Variants in RARB observed in about 807,000 individuals in gnomAD.
RARB encodes retinoic acid receptor beta.
RARB carries 17 observed loss-of-function variants against 51.9 expected under a neutral mutation model. The ratio of observed to expected loss-of-function variants is 0.33; its 90% CI spans 0.22 to 0.49. RARB has a LOEUF of 0.49. RARB is among the 20% of genes least tolerant of loss of function. The pLI, the probability that RARB is intolerant of heterozygous loss-of-function variation, is 0.99. For synonymous variants in RARB, 215 were observed against 195.4 expected (o/e 1.10, Z -0.84); for missense variants, 369 against 550.8 (o/e 0.67, Z 3.30).
exon 5 of RARB, chr3:25,174,466 A>T (rs776764255): frequency 5.2e-6 from 7 of 1,351,692 alleles, no homozygotes; most frequent in Non-Finnish European, 6.9e-6. Flanking sequence ...ATCCAGCCAC[A>T]CCCTACCCGT....
rs146794579 is a variant in RARB, at chr3:25,185,748, A to G, written c.178+11173A>G. ...ATTGACTTCTGTCCTGACTTTGTGT[A>G]GGCAATTTTAGAATTTGTCTTTCAT... On this transcript the variant is annotated intron_variant, in intron 5 of 11. Coordinates refer to the RARB transcript ENST00000383772. Among the ~76,000 whole-genome samples, 575 of 152,266 alleles carry G rather than the reference A, an allele frequency of 3.8e-3. 3 individuals carry two copies. The highest frequency in any genetic ancestry group is 0.013 in the African/African-American group (559 of 41,586).
At chr3:25,569,737 T>A (rs1700635349) in intron 3 of RARB, 21 bp from the exon 4 acceptor site, 1 of 1,609,056 alleles carries the variant, frequency 6.2e-7, no homozygotes, top group Admixed American at 1.7e-5. Context: ...ACCCCTGATG[T>A]GCCTTCTCTC....
At chr3:25,259,202 C>T (rs1350452448) in intron 5 of RARB, 4 of 563,318 alleles carry the variant, frequency 7.1e-6, no homozygotes, top group African/African-American at 4.1e-5. Context: ...AGAGACATCT[C>T]GTTTCCACCA....
At chr3:24,934,088 G>C (rs1270167407) in intron 2 of RARB, among the ~76,000 whole-genome samples, 1 of 152,094 alleles carries the variant, frequency 6.6e-6, no homozygotes, top group African/African-American at 2.4e-5. Context: ...ATAAATAACA[G>C]AGCTTTTCCA....
intron 2 of RARB, among the ~76,000 whole-genome samples, chr3:25,477,820 G>C (rs1418116286): frequency 1.3e-5 from 2 of 152,164 alleles, no homozygotes; most frequent in Non-Finnish European, 1.5e-5. Flanking sequence ...CAGATTGTGG[G>C]TCATGAATTT....
At chr3:25,334,226 C>T (rs1179560023) in intron 5 of RARB, among the ~76,000 whole-genome samples, 1 of 152,158 alleles carries the variant, frequency 6.6e-6, no homozygotes, top group Admixed American at 6.5e-5. Context: ...GACACATGCA[C>T]ACGTATGTTT....
At chr3:25,418,351 T>C (rs1166513084) in intron 5 of RARB, among the ~76,000 whole-genome samples, 1 of 152,148 alleles carries the variant, frequency 6.6e-6, no homozygotes, top group Middle Eastern at 3.2e-3. Context: ...TACCAGAGAA[T>C]TTATAAAAAT....
At chr3:25,332,891 CAGAG>C (rs1448071861) in intron 5 of RARB, among the ~76,000 whole-genome samples, 1 of 152,124 alleles carries the variant, frequency 6.6e-6, no homozygotes, top group South Asian at 2.1e-4. Flanking sequence ...AACAAACAAA[CAGAG>C]AGCCAAATCA....
At chr3:24,976,292 G>A (rs1355093841) in intron 2 of RARB, among the ~76,000 whole-genome samples, 1 of 152,106 alleles carries the variant, frequency 6.6e-6, no homozygotes, top group African/African-American at 2.4e-5. Flanking sequence ...CTTAGTAATG[G>A]GATTGCTGGG....
At chr3:25,292,118 C>G (rs1703802093) in intron 5 of RARB, among the ~76,000 whole-genome samples, 1 of 151,740 alleles carries the variant, frequency 6.6e-6, no homozygotes, top group Non-Finnish European at 1.5e-5. Flanking sequence ...TTGAAGAATA[C>G]CCTGCTTCAG....
rs143590850 is a variant in RARB at position 25,577,471 on chromosome 3, A to T, written c.610-3075A>T. ...TGAACTTGAAAGGACATCAGTCTCC[A>T]GGATGGTGGAAGGATTTCAGGCCTA... On this transcript the variant is annotated intron_variant, in intron 4 of 7. Transcript: ENST00000330688. Among the ~76,000 whole-genome samples, 31 of 152,356 alleles carry T rather than the reference A, an allele frequency of 2.0e-4. 1 individual carries two copies. The highest frequency in any genetic ancestry group is 7.2e-4 in the African/African-American group (30 of 41,596).
chr3:25,255,916 GTTTA>G (rs1702853120), intron 5 of RARB, among the ~76,000 whole-genome samples: 1 of 152,056 alleles, frequency 6.6e-6, no homozygotes, highest in Non-Finnish European at 1.5e-5. Context: ...CTTTAATAAT[GTTTA>G]TTTCCCACAG....
chr3:25,051,602 A>G (rs1575137073), intron 2 of RARB, among the ~76,000 whole-genome samples: 2 of 118,642 alleles, frequency 1.7e-5, no homozygotes, highest in African/African-American at 6.0e-5. Flanking sequence ...TACACATTCA[A>G]TTTAATCAAT....
chr3:25,176,349 C>CTTTCTTTCTTTCTTTCTTT (rs1575197612), intron 5 of RARB, among the ~76,000 whole-genome samples: 1 of 89,612 alleles, frequency 1.1e-5, no homozygotes, highest in Non-Finnish European at 2.4e-5. Flanking sequence ...TTCCTTCCTT[C>CTTTCTTTCTTTCTTTCTTT]CTTCCTTCCT....
intron 2 of RARB, among the ~76,000 whole-genome samples, chr3:24,897,138 C>T (rs1441168295): frequency 2.0e-5 from 3 of 152,206 alleles, no homozygotes; most frequent in Non-Finnish European, 2.9e-5. Flanking sequence ...CGTGCCCTGT[C>T]TCTCCTCCTC....
intron 3 of RARB, among the ~76,000 whole-genome samples, chr3:25,107,123 A>ACT (rs1699521544): frequency 6.6e-6 from 1 of 152,008 alleles, no homozygotes; most frequent in South Asian, 2.1e-4. Flanking sequence ...CTGGTCATGA[A>ACT]CTCCTGACCT....
chr3:25,280,319 C>G (rs1243128828), intron 5 of RARB, among the ~76,000 whole-genome samples: 1 of 152,122 alleles, frequency 6.6e-6, no homozygotes, highest in Non-Finnish European at 1.5e-5. Flanking sequence ...GAGGGCAACT[C>G]TCAAATGAGG....
intron 5 of RARB, among the ~76,000 whole-genome samples, chr3:25,232,519 T>C (rs1405567838): frequency 6.6e-6 from 1 of 152,108 alleles, no homozygotes; most frequent in Non-Finnish European, 1.5e-5. Flanking sequence ...AAACTTATGA[T>C]TTATTTAGGG....
intron 4 of RARB, among the ~76,000 whole-genome samples, chr3:25,152,705 A>T (rs573769995): frequency 2.6e-5 from 4 of 152,228 alleles, no homozygotes; most frequent in African/African-American, 9.6e-5. Context: ...AAGGCTCTAC[A>T]TATTAGACTC....
Sources: gnomAD v4.1 joint callset for allele counts (sites outside exome capture counted in the v4.1 genomes callset) on GRCh38, gnomAD v4.1.1 for gene constraint, MANE v1.5 for transcripts, NCBI Gene and HGNC (gene_info 2026-07-23, HGNC 2026-07-21) for gene names.